The following DNAI7 variants were observed in gnomAD, a reference collection of about 807,000 sequenced individuals.
DNAI7 encodes dynein axonemal intermediate chain 7, also known as cancer susceptibility 1.
DNAI7 carries 78 observed loss-of-function variants against 86.6 expected under a neutral mutation model. The ratio of observed to expected loss-of-function variants is 0.90; its 90% CI spans 0.75 to 1.09. The LOEUF (loss-of-function observed/expected upper bound fraction) is 1.09. Among genes scored for constraint, DNAI7 ranks in the 50% least tolerant of loss-of-function variants. The probability of loss-of-function intolerance (pLI) is 0.00; values close to 1 mark genes in which losing one functional copy is unlikely to be tolerated. For missense variants in DNAI7, 753 were observed against 810.2 expected (o/e 0.93, Z 0.86); for synonymous variants, 274 against 273.0 (o/e 1.00, Z -0.04).
At chr12:25,126,987 A>G (rs1305764918) in intron 9 of DNAI7, among the ~76,000 whole-genome samples, 1 of 152,194 alleles carries the variant, frequency 6.6e-6, no homozygotes, top group African/African-American at 2.4e-5. Context: ...CAACAACAGG[A>G]ATTTATCAGT....
At position 25,110,071 on chromosome 12, in the gene DNAI7, G is replaced by A. The variant is rs559038333; in HGVS notation, c.1893+56C>T. Reference sequence around the variant, plus strand: ...TGGTCTACATTCATTTAGTCTTTGAGTACTTTATCTTCTTTTGGAGGACAA... The same window carrying A: ...TGGTCTACATTCATTTAGTCTTTGAATACTTTATCTTCTTTTGGAGGACAA... On this transcript the variant is annotated intron_variant, in intron 15 of 15. Coordinates refer to ENST00000395987, the MANE Select transcript of DNAI7 (RefSeq NM_018272.5). 59 of 838,892 alleles carry A rather than the reference G, an allele frequency of 7.0e-5. No homozygotes were observed. The African/African-American group carries it at 7.3e-4, about 10-fold the overall frequency. The allele number at this position is 838,892 out of a possible 1,614,324, so 52.0% of individuals were successfully genotyped here.
At chr12:25,158,103 C>T (rs1946408909) in intron 4 of DNAI7, among the ~76,000 whole-genome samples, 1 of 152,058 alleles carries the variant, frequency 6.6e-6, no homozygotes, top group Non-Finnish European at 1.5e-5. Flanking sequence ...GTGGCAGGCA[C>T]CTGTAGTCCC....
intron 2 of DNAI7, 122 bp from the exon 3 acceptor site, chr12:25,161,319 C>CA: frequency 1.2e-6 from 1 of 807,588 alleles, no homozygotes; most frequent in East Asian, 2.5e-5. Context: ...TTCATGCATT[C>CA]ATTCAACAAA....
chr12:25,180,755 C>T (rs574211671), intron 2 of DNAI7, among the ~76,000 whole-genome samples: 1 of 152,216 alleles, frequency 6.6e-6, no homozygotes, highest in East Asian at 1.9e-4. Flanking sequence ...AAACTGGACC[C>T]CTAACTCTTA....
intron 5 of DNAI7, 81 bp downstream of exon 5, chr12:25,155,227 TTTC>T (rs1946017275): frequency 1.6e-6 from 1 of 619,980 alleles, no homozygotes; most frequent in Non-Finnish European, 2.7e-6. Context: ...AAAAATTTAG[TTTC>T]TTTTCTTGGC....
intron 6 of DNAI7, among the ~76,000 whole-genome samples, chr12:25,151,243 G>A (rs898871265): frequency 1.3e-5 from 2 of 152,092 alleles, no homozygotes; most frequent in Non-Finnish European, 2.9e-5. Flanking sequence ...GGGGTTTTTA[G>A]TACCTATCTC....
intron 2 of DNAI7, among the ~76,000 whole-genome samples, chr12:25,164,634 G>A (rs1022602416): frequency 6.6e-6 from 1 of 152,050 alleles, no homozygotes; most frequent in Admixed American, 6.5e-5. Flanking sequence ...ACGGTCTGAG[G>A]TGCCTGACGT....
intron 9 of DNAI7, among the ~76,000 whole-genome samples, chr12:25,139,816 C>T (rs1943976961): frequency 6.6e-6 from 1 of 152,126 alleles, no homozygotes; most frequent in South Asian, 2.1e-4. Context: ...CCTGCACGTT[C>T]TGCACAGGTA....
At chr12:25,140,681 C>T (rs1465504594) in intron 9 of DNAI7, among the ~76,000 whole-genome samples, 1 of 143,606 alleles carries the variant, frequency 7.0e-6, no homozygotes, top group African/African-American at 2.5e-5. Flanking sequence ...AAAATACCAT[C>T]ATCATTCTTC....
intron 2 of DNAI7, among the ~76,000 whole-genome samples, chr12:25,164,688 C>T (rs1321327732): frequency 6.6e-6 from 1 of 152,144 alleles, no homozygotes; most frequent in African/African-American, 2.4e-5. Flanking sequence ...GTCTCTGTTC[C>T]CAGTGCAACT....
intron 1 of DNAI7, 113 bp from the exon 2 acceptor site, chr12:25,190,744 G>C: frequency 2.0e-6 from 1 of 495,732 alleles, no homozygotes; most frequent in Non-Finnish European, 3.6e-6. Context: ...GGGCATAAGG[G>C]AACTCTCTGT....
chr12:25,112,538 C>T (rs1476335302), intron 13 of DNAI7, among the ~76,000 whole-genome samples: 1 of 150,884 alleles, frequency 6.6e-6, no homozygotes, highest in Non-Finnish European at 1.5e-5. Context: ...TCCCTAGTAG[C>T]TGGGACTACA....
At chr12:25,160,011 CTATG>C (rs541982346) in intron 3 of DNAI7, among the ~76,000 whole-genome samples, 298 of 152,142 alleles carry the variant, frequency 2.0e-3, no homozygotes, top group African/African-American at 6.5e-3. Flanking sequence ...TTAGGCTGCT[CTATG>C]TATTTCTTGC....
At chr12:25,117,916 A>G (rs1312705381) in intron 12 of DNAI7, among the ~76,000 whole-genome samples, 1 of 148,782 alleles carries the variant, frequency 6.7e-6, no homozygotes, top group Non-Finnish European at 1.5e-5. Context: ...GATTTGCTAA[A>G]CTATTTTGAT....
intron 7 of DNAI7, 30 bp downstream of exon 7, chr12:25,149,598 C>T: frequency 6.6e-7 from 1 of 1,514,210 alleles, no homozygotes; most frequent in Non-Finnish European, 9.0e-7. Context: ...TCTTATAAAA[C>T]TTAATATATA....
At chr12:25,113,411 T>G (rs1939396502) in intron 13 of DNAI7, among the ~76,000 whole-genome samples, 1 of 151,922 alleles carries the variant, frequency 6.6e-6, no homozygotes, top group Non-Finnish European at 1.5e-5. Flanking sequence ...AAGCGATTCT[T>G]CCGCCTCGGC....
At chr12:25,174,220 T>C (rs1275950072) in intron 2 of DNAI7, among the ~76,000 whole-genome samples, 2 of 148,088 alleles carry the variant, frequency 1.4e-5, no homozygotes, top group Non-Finnish European at 3.0e-5. Flanking sequence ...AGATTTTCTC[T>C]CACGTTGTGG....
intron 14 of DNAI7, among the ~76,000 whole-genome samples, chr12:25,111,017 GT>G (rs1019617876): frequency 2.6e-5 from 4 of 151,604 alleles, no homozygotes; most frequent in Non-Finnish European, 4.4e-5. Flanking sequence ...AAAACCAAGG[GT>G]TTTTTTCCTA....
intron 12 of DNAI7, among the ~76,000 whole-genome samples, chr12:25,115,901 CTG>C (rs1392130772): frequency 6.6e-6 from 1 of 152,200 alleles, no homozygotes; most frequent in African/African-American, 2.4e-5. Flanking sequence ...ACATTCCAAC[CTG>C]TGAGAAGCCT....
Sources: allele counts gnomAD v4.1 joint callset (sites outside exome capture counted in the v4.1 genomes callset), GRCh38; gene constraint gnomAD v4.1.1; transcripts MANE v1.5; gene names NCBI Gene and HGNC (gene_info 2026-07-23, HGNC 2026-07-21).